MAN2B2: variants seen among roughly 807,000 people sequenced by gnomAD.
MAN2B2 encodes the protein epididymis-specific alpha-mannosidase.
A neutral mutation model predicts 117.1 loss-of-function variants in MAN2B2; 106 were observed. That is an observed-to-expected ratio of 0.90 (90% CI 0.77 to 1.06). MAN2B2 has a LOEUF of 1.06. Ranked by LOEUF, MAN2B2 falls within the 50% of genes least tolerant of loss-of-function variation. MAN2B2 has a pLI of 0.00. For missense variants in MAN2B2, 1,326 were observed against 1,381.4 expected, an observed-to-expected ratio of 0.96 and a Z score of 0.64; for synonymous variants, 544 against 595.1, an observed-to-expected ratio of 0.91 and a Z score of 1.25.
chr4:6,585,654 G>A (rs1237376415), intron 3 of MAN2B2, among the ~76,000 whole-genome samples: 1 of 152,210 alleles, frequency 6.6e-6, no homozygotes, highest in Non-Finnish European at 1.5e-5. Context: ...GCTCCTGTGG[G>A]TGAAGAGCTC....
chr4:6,594,678 C>G lies in MAN2B2; in HGVS notation c.1003C>G (p.Leu335Val), dbSNP rs777726520. Residue 335 changes from leucine to valine, a missense_variant, in exon 7 of 19, where the codon CTC (leucine) becomes GTC (valine). Physicochemically the swap from Leu to Val is conservative, Grantham distance 32. Coordinates refer to ENST00000285599, the MANE Select transcript of MAN2B2 (RefSeq NM_015274.3). Reference protein sequence around the residue: ...LGDYFRALHALNVTWRVRDHH... With the variant: ...LGDYFRALHAVNVTWRVRDHH... ...CGACTACTTCCGTGCCCTGCACGCT[C>G]TCAATGTCACCTGGCGTGTCCGCGA... is the stretch of plus-strand genomic sequence containing the variant. 4.3e-6 allele frequency: 7 copies of G among 1,613,276 alleles called. 1 individual carries two copies. Among genetic ancestry groups the G allele is most frequent in the South Asian group, 3.3e-5 (3 of 91,056 alleles).
chr4:6,595,454 T>C (rs1560647595), intron 7 of MAN2B2, among the ~76,000 whole-genome samples: 1 of 152,164 alleles, frequency 6.6e-6, no homozygotes, highest in Non-Finnish European at 1.5e-5. Flanking sequence ...GGAAACGAAG[T>C]TTCTTTGGCT....
In MAN2B2 at chr4:6,609,965, G is replaced by T. The variant is rs2108754672; in HGVS notation, c.2174G>T (p.Ser725Ile). 2 of 1,614,180 alleles carry T rather than the reference G, an allele frequency of 1.2e-6. No homozygotes were observed. The highest frequency in any genetic ancestry group is 4.5e-5 in the East Asian group (2 of 44,872). The change falls in exon 13 of 19, where the codon AGC becomes ATC. Residue 725 changes from serine to isoleucine, a missense_variant. Ser to Ile is a moderately radical substitution (Grantham distance 142). Coordinates refer to ENST00000285599, the MANE Select transcript of MAN2B2 (RefSeq NM_015274.3). ...CTGAGGACCAGCACCAACCTAAACA[G>T]CCAGCAGGTCATCTACTCAGACAAC... Reference protein sequence around the residue: ...AVLRTSTNLNSQQVIYSDNNG... With the variant: ...AVLRTSTNLNIQQVIYSDNNG...
intron 16 of MAN2B2, among the ~76,000 whole-genome samples, chr4:6,615,911 C>A (rs1326280420): frequency 6.8e-6 from 1 of 147,776 alleles, no homozygotes; most frequent in African/African-American, 2.4e-5. Flanking sequence ...TCAAGCAATT[C>A]TCCTACCTCA....
intron 16 of MAN2B2, 67 bp from the exon 17 acceptor site, chr4:6,617,292 CTGAGTGTGTAAAGCAGCGGGT>C: frequency 1.1e-6 from 1 of 949,058 alleles, no homozygotes; most frequent in Non-Finnish European, 1.7e-6. Flanking sequence ...GGAAATGGAG[CTGAGTGTGTAAAGCAGCGGGT>C]ATAGACCAGG....
chr4:6,587,123 C>T lies in MAN2B2; in HGVS notation c.519C>T (p.Gly173=), dbSNP rs1223556329. 1.9e-6 allele frequency: 3 copies of T among 1,613,902 alleles called. No homozygotes were observed. Among genetic ancestry groups the T allele is most frequent in the Non-Finnish European group, 2.5e-6 (3 of 1,180,024 alleles). ...TGGCGGGCTTCAATGCCCACCTCGG[C>T]TCCCGGATCGACTACGACCTGAAGG... The part of the protein sequence containing the change: ...FALAGFNAHL[G]SRIDYDLKAA... Residue 173 remains glycine, a synonymous_variant, in exon 4 of 19, where the codon GGC becomes GGT. Coordinates refer to ENST00000285599, the MANE Select transcript of MAN2B2 (RefSeq NM_015274.3).
intron 10 of MAN2B2, among the ~76,000 whole-genome samples, chr4:6,602,465 G>C (rs1430366683): frequency 6.6e-6 from 1 of 152,010 alleles, no homozygotes; most frequent in African/African-American, 2.4e-5. Flanking sequence ...TCCCATTCTT[G>C]AGGGCAGCAC....
intron 13 of MAN2B2, 77 bp downstream of exon 13, chr4:6,610,127 T>C (rs1473984009): frequency 1.3e-6 from 2 of 1,529,178 alleles, no homozygotes; most frequent in East Asian, 2.3e-5. Context: ...ATTGCAGCAG[T>C]AGAGGCCAGT....
Position 6,609,212 on chromosome 4 carries a change from C to G in MAN2B2, c.1920C>G (p.Gly640=), listed in dbSNP as rs202179429. 186 of 1,614,096 alleles carry G rather than the reference C, an allele frequency of 1.2e-4. No individual in the cohort carries two copies. Among genetic ancestry groups the G allele is most frequent in the Non-Finnish European group, 1.5e-4 (181 of 1,180,042 alleles). Residue 640 remains glycine (G), a synonymous_variant, in exon 12 of 19, where the codon GGC becomes GGG. Transcript: ENST00000285599. ...PISDNYLFTP[G]KAAVPAWEAV... is the part of the protein sequence containing the mutation. ...CCGATAACTACCTGTTCACACCGGG[C>G]AAGGCCGCGGTGCCTGCGTGGGAAG... is the stretch of plus-strand genomic sequence containing the variant.
intron 9 of MAN2B2, 98 bp downstream of exon 9, chr4:6,598,452 G>C: frequency 7.6e-7 from 1 of 1,312,688 alleles, no homozygotes; most frequent in Non-Finnish European, 1.0e-6. Context: ...CAGACTCTGA[G>C]TCCACATCAC....
intron 15 of MAN2B2, among the ~76,000 whole-genome samples, chr4:6,613,790 A>G (rs1200214341): frequency 7.2e-6 from 1 of 139,778 alleles, no homozygotes; most frequent in Non-Finnish European, 1.5e-5. Context: ...GAAGGAAAGA[A>G]GGAAGAAAGG....
intron 8 of MAN2B2, 76 bp downstream of exon 8, chr4:6,597,379 A>G (rs1339615545): frequency 1.4e-6 from 2 of 1,421,828 alleles, no homozygotes; most frequent in East Asian, 5.2e-5. Flanking sequence ...GTCCTAGCCA[A>G]TCCTTCCAGC....
intron 6 of MAN2B2, 120 bp downstream of exon 6, chr4:6,593,470 G>C: frequency 2.0e-6 from 2 of 1,005,536 alleles, no homozygotes; most frequent in East Asian, 6.1e-5. Flanking sequence ...GCTCAGCCCA[G>C]TGGCTCCATC....
intron 3 of MAN2B2, among the ~76,000 whole-genome samples, chr4:6,583,467 A>T (rs1394971693): frequency 6.6e-6 from 1 of 152,242 alleles, no homozygotes; most frequent in Non-Finnish European, 1.5e-5. Context: ...TCGGACGCCA[A>T]TTAACAGTTT....
At chr4:6,591,793 G>A (rs1313703046) in intron 5 of MAN2B2, among the ~76,000 whole-genome samples, 1 of 152,130 alleles carries the variant, frequency 6.6e-6, no homozygotes, top group Non-Finnish European at 1.5e-5. Flanking sequence ...GGACCCCCCG[G>A]GGGCAGAGAG....
In MAN2B2 at chr4:6,605,174, G is replaced by A. The variant is rs957351804; in HGVS notation, c.1659G>A (p.Gln553=). 6.2e-7 allele frequency: 1 copy of A among 1,614,080 alleles called. No homozygotes were observed. Among genetic ancestry groups the A allele is most frequent in the African/African-American group, 1.3e-5 (1 of 74,944 alleles). The change falls in exon 11 of 19, where the codon CAG becomes CAA. Residue 553 remains glutamine (Q), a synonymous_variant. Coordinates refer to ENST00000285599, the MANE Select transcript of MAN2B2 (RefSeq NM_015274.3). The part of the protein sequence containing the change: ...RPTAGAQEGT[Q]EPAATVASTL... Reference sequence around the variant, plus strand: ...CTGCAGGGGCCCAAGAGGGCACCCAGGAGCCGGCTGCCACTGTGGCGAGCA... The same window carrying A: ...CTGCAGGGGCCCAAGAGGGCACCCAAGAGCCGGCTGCCACTGTGGCGAGCA...
intron 7 of MAN2B2, 76 bp from the exon 8 acceptor site, chr4:6,597,037 A>C: frequency 2.1e-6 from 3 of 1,419,786 alleles, no homozygotes; most frequent in Non-Finnish European, 2.9e-6. Context: ...CCAGCTTCTC[A>C]GCTCTTCCAG....
At chr4:6,603,628 T>A (rs545534368) in intron 10 of MAN2B2, among the ~76,000 whole-genome samples, 1 of 152,246 alleles carries the variant, frequency 6.6e-6, no homozygotes, top group South Asian at 2.1e-4. Flanking sequence ...CAGCCCCTGT[T>A]CTAGGCGCTG....
In MAN2B2 at chr4:6,595,450, G is replaced by A. The variant is rs185191129; in HGVS notation, c.1057+718G>A. Among the ~76,000 whole-genome samples the A allele has an allele frequency of 5.7e-4, 87 of 152,306 alleles. 1 individual carries two copies. The highest frequency in any genetic ancestry group is 5.6e-3 in the Admixed American group (86 of 15,288). On this transcript the variant is annotated intron_variant, in intron 7 of 18. Transcript: ENST00000285599. The stretch of plus-strand genomic sequence containing the variant: ...CAGAATGGGTCATTGATTAGGAAAC[G>A]AAGTTTCTTTGGCTCACAGATGTAG...
Sources: gnomAD v4.1 joint callset for allele counts (sites outside exome capture counted in the v4.1 genomes callset) on GRCh38, gnomAD v4.1.1 for gene constraint, MANE v1.5 for transcripts, NCBI Gene and HGNC (gene_info 2026-07-23, HGNC 2026-07-21) for gene names.